The following FLT4 variants were observed in gnomAD, a reference collection of about 807,000 sequenced individuals.
FLT4 encodes the protein fms related receptor tyrosine kinase 4, also known as vascular endothelial growth factor receptor 3.
In FLT4, 30 loss-of-function variants were observed where a neutral mutation model predicts 163.2. The observed-to-expected ratio is 0.18, with a 90% CI of 0.14 to 0.25. The LOEUF is 0.25. Among genes scored for constraint, FLT4 ranks in the 10% least tolerant of loss-of-function variants. The pLI, the probability that FLT4 is intolerant of heterozygous loss-of-function variation, is 1.00. For missense variants in FLT4, 1,510 were observed against 1,863.8 expected, an observed-to-expected ratio of 0.81 and a Z score of 3.50; for synonymous variants, 884 against 789.5, an observed-to-expected ratio of 1.12 and a Z score of -2.01.
chr5:180,628,792 G>A (rs748994709), intron 8 of FLT4, 90 bp downstream of exon 8: 57 of 915,412 alleles, frequency 6.2e-5, no homozygotes, highest in Non-Finnish European at 9.8e-5. Context: ...GTCCTGACGG[G>A]GAGGACGCTG....
At position 180,620,888 on chromosome 5, in the gene FLT4, C is replaced by G. The variant is rs2127813245; in HGVS notation, c.2287G>C (p.Val763Leu). Residue 763 changes from valine to leucine, a missense_variant, in exon 15 of 30, where the codon GTG (valine) becomes CTG (leucine). By Grantham distance (32) the Val-to-Leu change is conservative (BLOSUM62 1). Around this residue, in one of 5 missense-constraint regions of FLT4, gnomAD observed 878 missense variants for 1,016.7 expected, o/e 0.86. Transcript: ENST00000261937. The surrounding 1 kb of genome is among the most constrained non-coding windows in gnomAD (Gnocchi z 4.4). ...AKGCVNSSAS[V>L]AVEGSEDKGS... is the part of the protein sequence containing the mutation. ...CCTGAGGCCAGACCTTCCACGGCCACGCTGGCGGAGGAGTTGACGCAGCCC... is the reference window on the plus strand; with the variant it reads ...CCTGAGGCCAGACCTTCCACGGCCAGGCTGGCGGAGGAGTTGACGCAGCCC... 2 of 1,609,702 alleles carry G rather than the reference C, an allele frequency of 1.2e-6. No individual in the cohort carries two copies. Among genetic ancestry groups the G allele is most frequent in the Non-Finnish European group, 1.7e-6 (2 of 1,178,574 alleles).
At chr5:180,641,792 C>T (rs1018681020) in intron 1 of FLT4, among the ~76,000 whole-genome samples, 15 of 152,230 alleles carry the variant, frequency 9.9e-5, no homozygotes, top group African/African-American at 3.4e-4. Context: ...CCCGCACTGC[C>T]GCTCTTTGCT....
At chr5:180,626,398 G>T in intron 8 of FLT4, 133 bp from the exon 9 acceptor site, 1 of 925,136 alleles carries the variant, frequency 1.1e-6, no homozygotes, top group Non-Finnish European at 1.7e-6. Flanking sequence ...GGGGAACACT[G>T]GTCTGCGAGG....
chr5:180,631,578 G>A, intron 2 of FLT4, 104 bp downstream of exon 2: 1 of 938,346 alleles, frequency 1.1e-6, no homozygotes, highest in East Asian at 2.4e-5. Flanking sequence ...ACTCTGCCCT[G>A]ACTCTGCCCT....
rs1289504099 is a variant in FLT4, at chr5:180,612,996, C to T, written c.3431+15G>A. On this transcript the variant is annotated intron_variant, in intron 25 of 29. Coordinates refer to ENST00000261937, the MANE Select transcript of FLT4 (RefSeq NM_182925.5). The stretch of plus-strand genomic sequence containing the variant: ...TTGCTGTCCCCAAAACCTGCAGGGC[C>T]ATGGGGAGGCTCACATGGCGGGAGT... 2.4e-5 allele frequency: 39 copies of T among 1,599,726 alleles called. No individual in the cohort carries two copies. The highest frequency in any genetic ancestry group is 3.3e-5 in the Non-Finnish European group (39 of 1,168,208).
chr5:180,637,563 T>C (rs1413230327), intron 1 of FLT4, among the ~76,000 whole-genome samples: 1 of 152,064 alleles, frequency 6.6e-6, no homozygotes, highest in African/African-American at 2.4e-5. Flanking sequence ...AGATGGAGTT[T>C]AGCTCGTCGC....
chr5:180,629,266 A>G lies in FLT4; in HGVS notation c.978T>C (p.Ile326=). 6.2e-7 allele frequency: 1 copy of G among 1,613,014 alleles called. No individual in the cohort carries two copies. The highest frequency in any genetic ancestry group is 1.7e-4 in the Middle Eastern group (1 of 5,940). ...TGGTTTCCCAGGCCATACCATGCAC[A>G]ATGACCTCGGTGCTCTCCCGAAATC... ...IQRFRESTEV[I]VHENPFISVE... Residue 326 remains isoleucine, a synonymous_variant, in exon 7 of 30, where the codon ATT becomes ATC. Coordinates refer to ENST00000261937, the MANE Select transcript of FLT4 (RefSeq NM_182925.5).
chr5:180,634,003 G>T (rs1764366576), intron 1 of FLT4, among the ~76,000 whole-genome samples: 1 of 152,196 alleles, frequency 6.6e-6, no homozygotes, highest in Non-Finnish European at 1.5e-5. Context: ...GCAGCTGTCA[G>T]CCCAGCTTCC....
Position 180,620,076 on chromosome 5 carries a change from G to C in FLT4, c.2542+97C>G. 2 of 1,453,510 alleles carry C rather than the reference G, an allele frequency of 1.4e-6. No individual in the cohort carries two copies. The highest frequency in any genetic ancestry group is 4.6e-5 in the East Asian group (2 of 43,880). 90.0% of individuals were successfully genotyped at this position (1,453,510 alleles called of 1,614,324 possible). On this transcript the variant is annotated intron_variant, in intron 17 of 29. Transcript: ENST00000261937. The surrounding 1 kb of genome is among the most constrained non-coding windows in gnomAD (Gnocchi z 4.4). ...CAGGTCAGGCCAGGCGGAACTTCCT[G>C]GTGCAAGTTTTGAAAATGGAGGGAT...
chr5:180,625,546 T>C (rs1270300235), intron 10 of FLT4, among the ~76,000 whole-genome samples: 1 of 152,184 alleles, frequency 6.6e-6, no homozygotes, highest in Non-Finnish European at 1.5e-5. Flanking sequence ...CTCAGAGACA[T>C]GTGCTTCCTT....
chr5:180,620,239 C>G lies in FLT4; in HGVS notation c.2476G>C (p.Glu826Gln), dbSNP rs1763020746. The change falls in exon 17 of 30, where the codon GAG (glutamate) becomes CAG (glutamine). Residue 826 changes from glutamate to glutamine, a missense_variant. This residue lies in a region of FLT4 where 878 missense variants were observed against 1,016.7 expected (regional missense o/e 0.86). Transcript: ENST00000261937. The surrounding 1 kb of genome is among the most constrained non-coding windows in gnomAD (Gnocchi z 4.4). The stretch of plus-strand genomic sequence containing the variant: ...TCGTAGGACAGGTATTCGCATTGCT[C>G]CTCCAGAGGCACCTCCCCGGGGTCC... ...IMDPGEVPLE[E>Q]QCEYLSYDAS... 3 of 1,611,876 alleles carry G rather than the reference C, an allele frequency of 1.9e-6. No homozygotes were observed. The highest frequency in any genetic ancestry group is 2.7e-5 in the African/African-American group (2 of 74,908).
At chr5:180,649,824 A>G (rs188655), upstream of FLT4, among the ~76,000 whole-genome samples, 146,798 of 152,120 alleles carry the variant, frequency 0.97, 71,071 homozygotes, top group East Asian at 1. Flanking sequence ...CGGTCTCGCG[A>G]TGCGCTCCGG....
intron 17 of FLT4, 39 bp from the exon 18 acceptor site, chr5:180,619,808 G>A: frequency 6.7e-7 from 1 of 1,489,532 alleles, no homozygotes; most frequent in Non-Finnish European, 9.3e-7. Flanking sequence ...GAGCTGTACG[G>A]GGTGAGCGTG....
intron 1 of FLT4, among the ~76,000 whole-genome samples, chr5:180,647,575 C>T (rs537897414): frequency 1.3e-5 from 2 of 152,188 alleles, no homozygotes; most frequent in African/African-American, 4.8e-5. Flanking sequence ...CCGACTGCAG[C>T]TCCCACCGGA....
intron 10 of FLT4, 131 bp from the exon 11 acceptor site, chr5:180,624,192 G>T: frequency 9.6e-7 from 1 of 1,042,690 alleles, no homozygotes; most frequent in Non-Finnish European, 1.4e-6. Flanking sequence ...CTGGCCCTCG[G>T]GCCTGGGTGA....
chr5:180,610,807 C>T (rs965802935), intron 27 of FLT4, among the ~76,000 whole-genome samples: 1 of 152,242 alleles, frequency 6.6e-6, no homozygotes, highest in Middle Eastern at 3.2e-3. Context: ...CCTGTAATCC[C>T]AGCACTTTGG....
In FLT4 at chr5:180,620,551, C is replaced by T. The variant is rs759889586; in HGVS notation, c.2406+58G>A. ...GGCACCTTATTCTTTATCTTAGGGG[C>T]GGCCAGGGTGGGGAAGGCCTGAGAG... On this transcript the variant is annotated intron_variant, in intron 16 of 29. Transcript: ENST00000261937. This position sits in a 1 kb window ranked among gnomAD's most constrained non-coding sequence, Gnocchi z 4.4. 108 of 1,375,410 alleles carry T rather than the reference C, an allele frequency of 7.9e-5. No homozygotes were observed. The highest frequency in any genetic ancestry group is 1.8e-4 in the Middle Eastern group (1 of 5,642). The allele number at this position is 1,375,410 out of a possible 1,614,324, so 85.2% of individuals were successfully genotyped here.
At chr5:180,621,945 G>C (rs775265681) in intron 12 of FLT4, 41 bp from the exon 13 acceptor site, 3 of 1,610,354 alleles carry the variant, frequency 1.9e-6, no homozygotes, top group Non-Finnish European at 2.5e-6. Flanking sequence ...TGCCCTGGGA[G>C]TTTGCTCCCC....
chr5:180,611,571 G>GCCCTCAC (rs1762200609), intron 26 of FLT4, 92 bp from the exon 27 acceptor site: 1 of 1,301,988 alleles, frequency 7.7e-7, no homozygotes, highest in Admixed American at 2.4e-5. Flanking sequence ...CCCGCCCTCA[G>GCCCTCAC]CCCTCACCCC....
Sources: gnomAD v4.1 joint callset for allele counts (sites outside exome capture counted in the v4.1 genomes callset) on GRCh38, gnomAD v4.1.1 for gene constraint, gnomAD v4.1.1 regional missense constraint, Gnocchi (gnomAD v3.1) non-coding constraint, MANE v1.5 for transcripts, NCBI Gene and HGNC (gene_info 2026-07-23, HGNC 2026-07-21) for gene names.